The following TAB2 variants were observed in gnomAD, a reference collection of about 807,000 sequenced individuals.
TAB2 encodes TGF-beta-activated kinase 1 and MAP3K7-binding protein 2.
A neutral mutation model predicts 65.0 loss-of-function variants in TAB2; 3 were observed. That is an observed-to-expected ratio of 0.05 (90% CI 0.02 to 0.12). The LOEUF is 0.12. TAB2 is among the 10% of genes least tolerant of loss of function. The pLI is 1.00. For synonymous variants in TAB2, 298 were observed against 285.1 expected (o/e 1.05, Z -0.46); for missense variants, 623 against 840.3 (o/e 0.74, Z 3.20).
chr6:149,408,635 A>G (rs1471482000), intron 6 of TAB2, among the ~76,000 whole-genome samples: 1 of 152,204 alleles, frequency 6.6e-6, no homozygotes, highest in Non-Finnish European at 1.5e-5. Flanking sequence ...TCAACAATGC[A>G]TGCTCCTTTT....
intron 1 of TAB2, among the ~76,000 whole-genome samples, chr6:149,305,112 T>C (rs1211343184): frequency 6.6e-6 from 1 of 152,226 alleles, no homozygotes; most frequent in East Asian, 1.9e-4. Flanking sequence ...CTACAATTGG[T>C]TGGATCTGTG....
At chr6:149,362,676 G>T (rs1780891189) in intron 1 of TAB2, among the ~76,000 whole-genome samples, 2 of 151,928 alleles carry the variant, frequency 1.3e-5, no homozygotes, top group Admixed American at 6.6e-5. Context: ...CCTTTTTTTG[G>T]AAAGTTTTAG....
At chr6:149,379,617 T>C in intron 3 of TAB2, 99 bp downstream of exon 3, 1 of 1,120,876 alleles carries the variant, frequency 8.9e-7, no homozygotes, top group Non-Finnish European at 1.4e-6. Context: ...GTTATTTCAT[T>C]GTTTAAATAT....
chr6:149,255,488 T>G (rs1238288051), intron 1 of TAB2: 1 of 152,266 alleles, frequency 6.6e-6, no homozygotes, highest in Non-Finnish European at 1.5e-5. Context: ...CTAAAAATAT[T>G]CATAAGAGTT....
chr6:149,376,689 G>A (rs970952869), intron 2 of TAB2, among the ~76,000 whole-genome samples: 1 of 152,114 alleles, frequency 6.6e-6, no homozygotes, highest in East Asian at 1.9e-4. Flanking sequence ...TATTTGGCAT[G>A]TACTCATGTT....
chr6:149,240,013 A>G lies in TAB2; in HGVS notation c.-121+21237A>G, dbSNP rs148626844. ...ACCACAGCAGATGGCAGAGCTATGG[A>G]CAGCCCTGGGATTGAAAGTAGCAGA... On this transcript the variant is annotated intron_variant, in intron 1 of 1. Transcript: ENST00000606202. 3.5e-3 allele frequency among the ~76,000 whole-genome samples: 520 copies of G among 149,954 alleles called. 6 individuals carry two copies. Among genetic ancestry groups the G allele is most frequent in the African/African-American group, 0.012 (504 of 40,950 alleles).
At chr6:149,267,248 G>A (rs754272254) in intron 1 of TAB2, among the ~76,000 whole-genome samples, 31 of 152,044 alleles carry the variant, frequency 2.0e-4, no homozygotes, top group Admixed American at 1.2e-3. Flanking sequence ...AGCTGGGGCT[G>A]GTCTGCAAGG....
chr6:149,409,781 C>A lies in TAB2; in HGVS notation c.*62C>A. 1.3e-6 allele frequency: 2 copies of A among 1,595,226 alleles called. No individual in the cohort carries two copies. The highest frequency in any genetic ancestry group is 3.3e-5 in the Admixed American group (2 of 59,936). On this transcript the variant is annotated 3_prime_UTR_variant, in exon 7 of 7. Coordinates refer to ENST00000637181, the MANE Select transcript of TAB2 (RefSeq NM_001292034.3). ...AAAGTTCAAGAAACTAGTCTGTCAT[C>A]GGGAAAAAGTTTCACTGCTACATAG... is the stretch of plus-strand genomic sequence containing the variant.
intron 1 of TAB2, among the ~76,000 whole-genome samples, chr6:149,337,294 T>A (rs1190618314): frequency 6.6e-6 from 1 of 152,186 alleles, no homozygotes; most frequent in Non-Finnish European, 1.5e-5. Flanking sequence ...CAAAAACAAC[T>A]ATATTTTAGT....
chr6:149,248,051 A>T (rs532721563), intron 1 of TAB2: 1 of 152,202 alleles, frequency 6.6e-6, no homozygotes, highest in Admixed American at 6.5e-5. Context: ...TGTTCTGCAC[A>T]TGCATCCTAG....
At chr6:149,395,511 A>G (rs866504484) in intron 3 of TAB2, among the ~76,000 whole-genome samples, 6 of 152,240 alleles carry the variant, frequency 3.9e-5, no homozygotes, top group Admixed American at 1.3e-4. Context: ...AATACTGAAC[A>G]TGTATATTTG....
intron 2 of TAB2, among the ~76,000 whole-genome samples, chr6:149,375,781 T>G (rs768190578): frequency 2.0e-5 from 3 of 152,170 alleles, no homozygotes; most frequent in Non-Finnish European, 4.4e-5. Context: ...TGTGATCAGT[T>G]TTTCAACTTT....
At chr6:149,280,689 C>T (rs1191149615) in intron 1 of TAB2, among the ~76,000 whole-genome samples, 2 of 151,964 alleles carry the variant, frequency 1.3e-5, no homozygotes, top group South Asian at 2.1e-4. Context: ...ACCTGTAATC[C>T]CAGCACTTTG....
intron 1 of TAB2, among the ~76,000 whole-genome samples, chr6:149,339,384 A>T (rs1002608487): frequency 6.8e-6 from 1 of 147,546 alleles, no homozygotes; most frequent in Non-Finnish European, 1.5e-5. Context: ...AATGAAAAAA[A>T]GAAAAAAAAT....
chr6:149,393,648 A>T, intron 3 of TAB2, among the ~76,000 whole-genome samples: 1 of 152,162 alleles, frequency 6.6e-6, no homozygotes, highest in East Asian at 1.9e-4. Context: ...GGAATATGGG[A>T]TTGGGGATTG....
At chr6:149,312,777 C>T (rs1779187435), upstream of TAB2, among the ~76,000 whole-genome samples, 2 of 152,206 alleles carry the variant, frequency 1.3e-5, no homozygotes, top group South Asian at 4.1e-4. Flanking sequence ...TCATGTACAA[C>T]ACGATGTCTT....
At chr6:149,285,296 G>A (rs1370217605) in intron 1 of TAB2, among the ~76,000 whole-genome samples, 1 of 152,188 alleles carries the variant, frequency 6.6e-6, no homozygotes, top group Admixed American at 6.5e-5. Flanking sequence ...ACCCCTGGGG[G>A]TAAAGAGAGA....
intron 1 of TAB2, among the ~76,000 whole-genome samples, chr6:149,263,594 A>G (rs766466504): frequency 6.6e-6 from 1 of 152,266 alleles, no homozygotes; most frequent in Non-Finnish European, 1.5e-5. Flanking sequence ...AAGGTTGGTA[A>G]GATGTCAACA....
intron 1 of TAB2, among the ~76,000 whole-genome samples, chr6:149,312,456 G>A (rs372314402): frequency 5.9e-5 from 9 of 152,180 alleles, no homozygotes; most frequent in East Asian, 3.9e-4. Flanking sequence ...TCAGCCTCCC[G>A]GGTTCAAGCC....
Sources: allele counts gnomAD v4.1 joint callset (sites outside exome capture counted in the v4.1 genomes callset), GRCh38; gene constraint gnomAD v4.1.1; transcripts MANE v1.5; gene names NCBI Gene and HGNC (gene_info 2026-07-23, HGNC 2026-07-21).